MEIS2: variants seen among roughly 807,000 people sequenced by gnomAD.
The protein encoded by MEIS2 is homeobox protein Meis2.
In MEIS2, 9 loss-of-function variants were observed where a neutral mutation model predicts 58.6. The ratio of observed to expected loss-of-function variants is 0.15; its 90% CI spans 0.09 to 0.27. The LOEUF (loss-of-function observed/expected upper bound fraction) is 0.27, where lower values mean the gene tolerates loss of function less well. MEIS2 is among the 10% of genes least tolerant of loss of function. The pLI, the probability that MEIS2 is intolerant of heterozygous loss-of-function variation, is 1.00. For synonymous variants in MEIS2, 221 were observed against 228.4 expected, an observed-to-expected ratio of 0.97 and a Z score of 0.29; for missense variants, 427 against 635.0, an observed-to-expected ratio of 0.67 and a Z score of 3.52.
chr15:37,093,112 A>C (rs1438640968), intron 6 of MEIS2, among the ~76,000 whole-genome samples: 3 of 152,174 alleles, frequency 2.0e-5, no homozygotes, highest in Non-Finnish European at 2.9e-5. Context: ...GATTGCCAAT[A>C]ATTCTCAGAA....
chr15:36,900,873 C>G (rs1244966335), intron 9 of MEIS2: 1 of 152,092 alleles, frequency 6.6e-6, no homozygotes, highest in Admixed American at 6.6e-5. Flanking sequence ...CTTTCTCCAC[C>G]CCCCAATCTT....
chr15:37,056,005 A>C (rs1478888306), intron 7 of MEIS2, among the ~76,000 whole-genome samples: 3 of 152,120 alleles, frequency 2.0e-5, no homozygotes, highest in Non-Finnish European at 1.5e-5. Flanking sequence ...ATCACTCACA[A>C]CTAGTGTTCC....
chr15:36,964,237 C>A (rs1006953037), intron 8 of MEIS2, among the ~76,000 whole-genome samples: 3 of 152,204 alleles, frequency 2.0e-5, no homozygotes, highest in Non-Finnish European at 1.5e-5. Flanking sequence ...TACTAATAAG[C>A]ACTTGGATTT....
At position 37,078,631 on chromosome 15, in the gene MEIS2, A is replaced by C. The variant is rs1891772723; in HGVS notation, c.754+5140T>G. On this transcript the variant is annotated intron_variant, in intron 7 of 11. Coordinates refer to ENST00000561208, the MANE Select transcript of MEIS2 (RefSeq NM_170675.5). ...AAAAAAAAAAAAAAAAAAAAAAAAAAACACCAAAAAAGAAAACTCATTTTC... is the reference window on the plus strand; with the variant it reads ...AAAAAAAAAAAAAAAAAAAAAAAAACACACCAAAAAAGAAAACTCATTTTC... 9.3e-5 allele frequency among the ~76,000 whole-genome samples: 7 copies of C among 75,204 alleles called. No homozygotes were observed. In the South Asian group the frequency reaches 1.8e-3, roughly 19 times the overall value. The allele number at this position is 75,204 out of a possible 152,430, so 49.3% of individuals were successfully genotyped here. A position where few individuals can be genotyped will look rare whatever the true frequency, so the allele number is the denominator to read the frequency against.
intron 8 of MEIS2, among the ~76,000 whole-genome samples, chr15:37,024,925 C>T (rs368406736): frequency 7.9e-5 from 12 of 152,204 alleles, no homozygotes; most frequent in South Asian, 2.1e-4. Flanking sequence ...AGTGACAATA[C>T]GTTTATTGTG....
At chr15:36,925,674 C>T (rs1341221601) in intron 9 of MEIS2, among the ~76,000 whole-genome samples, 7 of 152,144 alleles carry the variant, frequency 4.6e-5, no homozygotes, top group African/African-American at 1.7e-4. Context: ...CTTTATTTCT[C>T]TCACAGCTCT....
intron 8 of MEIS2, among the ~76,000 whole-genome samples, chr15:37,023,641 C>T (rs1254323346): frequency 1.3e-5 from 2 of 152,084 alleles, no homozygotes; most frequent in African/African-American, 2.4e-5. Flanking sequence ...TGCTTTAGTC[C>T]CTCTTGCTCT....
At chr15:36,985,550 G>A (rs1196343773) in intron 8 of MEIS2, among the ~76,000 whole-genome samples, 1 of 152,112 alleles carries the variant, frequency 6.6e-6, no homozygotes, top group Non-Finnish European at 1.5e-5. Flanking sequence ...CTGATTAGAT[G>A]TAGCACTTAG....
intron 8 of MEIS2, among the ~76,000 whole-genome samples, chr15:37,025,596 A>G (rs959783258): frequency 6.6e-6 from 1 of 152,154 alleles, no homozygotes; most frequent in Non-Finnish European, 1.5e-5. Context: ...AGGTCCAACC[A>G]TAGAGTCATG....
At position 37,055,424 on chromosome 15, in the gene MEIS2, C is replaced by T. The variant is rs188037129; in HGVS notation, c.755-18465G>A. On this transcript the variant is annotated intron_variant, in intron 7 of 11. Coordinates refer to ENST00000561208, the MANE Select transcript of MEIS2 (RefSeq NM_170675.5). ...TTCTTCCCTGTGTGTGTGTGTTTTT[C>T]CCCCCACTTCCTAGAGCCTCACTTT... 3.5e-3 allele frequency among the ~76,000 whole-genome samples: 535 copies of T among 152,124 alleles called. 2 individuals carry two copies. The highest frequency in any genetic ancestry group is 6.2e-3 in the Non-Finnish European group (422 of 67,990).
At chr15:36,983,645 T>C (rs1054325787) in intron 8 of MEIS2, among the ~76,000 whole-genome samples, 3 of 152,076 alleles carry the variant, frequency 2.0e-5, no homozygotes, top group Non-Finnish European at 4.4e-5. Context: ...TGTGGTACCA[T>C]ATAATTTTAG....
At chr15:37,095,708 G>A in intron 3 of MEIS2, 94 bp from the exon 4 acceptor site, 2 of 1,576,258 alleles carry the variant, frequency 1.3e-6, no homozygotes, top group Non-Finnish European at 1.7e-6. Context: ...CAATGGCGGA[G>A]AAGAGGAAAG....
At chr15:37,030,274 T>C (rs1409338561) in intron 8 of MEIS2, among the ~76,000 whole-genome samples, 2 of 152,164 alleles carry the variant, frequency 1.3e-5, no homozygotes, top group African/African-American at 2.4e-5. Context: ...TGCTATCACC[T>C]AGCTTCAACA....
chr15:36,922,419 T>C (rs932334522), intron 9 of MEIS2, among the ~76,000 whole-genome samples: 11 of 152,022 alleles, frequency 7.2e-5, no homozygotes, highest in African/African-American at 2.7e-4. Context: ...TTTTTGTGTG[T>C]GTGTTTGTTT....
intron 7 of MEIS2, among the ~76,000 whole-genome samples, chr15:37,044,544 C>A (rs1209815461): frequency 2.0e-5 from 3 of 152,178 alleles, no homozygotes; most frequent in Non-Finnish European, 4.4e-5. Flanking sequence ...AGGGATCTTT[C>A]AAGATTCCAT....
intron 9 of MEIS2, among the ~76,000 whole-genome samples, chr15:36,910,789 G>A (rs1375641730): frequency 6.6e-6 from 1 of 152,166 alleles, no homozygotes; most frequent in Non-Finnish European, 1.5e-5. Context: ...GCTCACGCCT[G>A]TAATCCCAGC....
chr15:37,085,633 G>T (rs936175701), intron 6 of MEIS2, among the ~76,000 whole-genome samples: 1 of 152,144 alleles, frequency 6.6e-6, no homozygotes, highest in Non-Finnish European at 1.5e-5. Flanking sequence ...TTGATTCAAA[G>T]TGAAAACCCT....
intron 9 of MEIS2, among the ~76,000 whole-genome samples, chr15:36,912,392 G>A (rs189895714): frequency 2.0e-5 from 3 of 152,180 alleles, no homozygotes; most frequent in Non-Finnish European, 4.4e-5. Flanking sequence ...GCTTAGAGCC[G>A]TAATGAGCTG....
At chr15:36,911,052 A>AG (rs1328809497) in intron 9 of MEIS2, among the ~76,000 whole-genome samples, 2 of 151,804 alleles carry the variant, frequency 1.3e-5, no homozygotes, top group Non-Finnish European at 2.9e-5. Context: ...CTCAAAAAAA[A>AG]AAAAAAAAAA....
Sources: gnomAD v4.1 joint callset for allele counts (sites outside exome capture counted in the v4.1 genomes callset) on GRCh38, gnomAD v4.1.1 for gene constraint, MANE v1.5 for transcripts, NCBI Gene and HGNC (gene_info 2026-07-23, HGNC 2026-07-21) for gene names.